ATRNL1: variants seen among roughly 807,000 people sequenced by gnomAD.
ATRNL1 encodes the protein attractin-like protein 1.
A neutral mutation model predicts 182.7 loss-of-function variants in ATRNL1; 95 were observed. That is an observed-to-expected ratio of 0.52 (90% CI 0.44 to 0.62). The LOEUF (loss-of-function observed/expected upper bound fraction) is 0.62. Among genes scored for constraint, ATRNL1 ranks in the 20% least tolerant of loss-of-function variants. The pLI, the probability that ATRNL1 is intolerant of heterozygous loss-of-function variation, is 0.00. For missense variants in ATRNL1, 1,471 were observed against 1,679.5 expected, an observed-to-expected ratio of 0.88 and a Z score of 2.17; for synonymous variants, 576 against 568.3, an observed-to-expected ratio of 1.01 and a Z score of -0.19.
intron 9 of ATRNL1, among the ~76,000 whole-genome samples, chr10:115,231,489 G>C (rs1387159089): frequency 6.6e-6 from 1 of 152,070 alleles, no homozygotes; most frequent in East Asian, 1.9e-4. Context: ...GAAAGAAACA[G>C]GGTAACAAGT....
At chr10:115,522,204 G>A (rs1391942282) in intron 25 of ATRNL1, among the ~76,000 whole-genome samples, 7 of 152,272 alleles carry the variant, frequency 4.6e-5, no homozygotes, top group African/African-American at 1.7e-4. Flanking sequence ...ACCTAAGGCT[G>A]GGTAATTTAT....
intron 18 of ATRNL1, among the ~76,000 whole-genome samples, chr10:115,327,957 G>A (rs1355072338): frequency 6.6e-6 from 1 of 151,920 alleles, no homozygotes; most frequent in African/African-American, 2.4e-5. Flanking sequence ...AAGTGGGGAG[G>A]GATAGCATTG....
intron 26 of ATRNL1, among the ~76,000 whole-genome samples, chr10:115,717,243 TTCTTG>T (rs1947280376): frequency 6.6e-6 from 1 of 152,178 alleles, no homozygotes; most frequent in South Asian, 2.1e-4. Flanking sequence ...TAAAGCCTAT[TTCTTG>T]TGCCATTTTG....
intron 19 of ATRNL1, among the ~76,000 whole-genome samples, chr10:115,377,128 T>G (rs1353596587): frequency 2.0e-5 from 3 of 152,188 alleles, no homozygotes; most frequent in African/African-American, 7.2e-5. Context: ...TAATTTTATT[T>G]AATTGTTGGT....
chr10:115,545,234 C>CAAAAA (rs71010026), intron 25 of ATRNL1, among the ~76,000 whole-genome samples: 107 of 94,768 alleles, frequency 1.1e-3, no homozygotes, highest in East Asian at 1.7e-3. Flanking sequence ...GACTCCGTAT[C>CAAAAA]AAAAAAAAAA....
At chr10:115,402,932 A>G (rs1242356826) in intron 20 of ATRNL1, among the ~76,000 whole-genome samples, 1 of 152,168 alleles carries the variant, frequency 6.6e-6, no homozygotes, top group Non-Finnish European at 1.5e-5. Context: ...TACTAATAGT[A>G]AATTGTGAAA....
chr10:115,756,161 A>G (rs1480084552), intron 27 of ATRNL1, among the ~76,000 whole-genome samples: 1 of 151,474 alleles, frequency 6.6e-6, no homozygotes, highest in Non-Finnish European at 1.5e-5. Flanking sequence ...TCCTGTCTCT[A>G]TCTCCTTCAG....
At chr10:115,620,046 G>GATTTT (rs1555022157) in intron 26 of ATRNL1, among the ~76,000 whole-genome samples, 34 of 152,286 alleles carry the variant, frequency 2.2e-4, no homozygotes, top group Non-Finnish European at 3.7e-4. Flanking sequence ...CCTAAGGCTG[G>GATTTT]ATAACTTATA....
chr10:115,272,706 AC>A (rs1554913570), intron 13 of ATRNL1, among the ~76,000 whole-genome samples: 1 of 152,086 alleles, frequency 6.6e-6, no homozygotes, highest in African/African-American at 2.4e-5. Context: ...TTTCTGGAGA[AC>A]CCTTCTGTCA....
chr10:115,466,740 T>A (rs1231489663), intron 22 of ATRNL1, among the ~76,000 whole-genome samples: 1 of 151,152 alleles, frequency 6.6e-6, no homozygotes, highest in East Asian at 1.9e-4. Context: ...ATAATAAAAA[T>A]GTACACCTAA....
At chr10:115,350,334 C>CATAAAA (rs1856176830) in intron 19 of ATRNL1, among the ~76,000 whole-genome samples, 1 of 29,734 alleles carries the variant, frequency 3.4e-5, no homozygotes, top group Non-Finnish European at 5.2e-5. Flanking sequence ...GACTCTGTCT[C>CATAAAA]AAAAAAAAAA....
At chr10:115,725,519 C>T (rs10787595) in intron 26 of ATRNL1, among the ~76,000 whole-genome samples, 56,254 of 151,830 alleles carry the variant, frequency 0.37, 11,256 homozygotes, top group East Asian at 0.59. Context: ...TATGAGATGC[C>T]GTTTATATGC....
At chr10:115,790,413 C>T (rs1483212951) in intron 27 of ATRNL1, among the ~76,000 whole-genome samples, 4 of 152,128 alleles carry the variant, frequency 2.6e-5, no homozygotes, top group Admixed American at 1.3e-4. Flanking sequence ...AAAAGGCTCA[C>T]GTACTAAATC....
chr10:115,707,368 C>G (rs1321070417), intron 26 of ATRNL1, among the ~76,000 whole-genome samples: 1 of 151,188 alleles, frequency 6.6e-6, no homozygotes, highest in Non-Finnish European at 1.5e-5. Context: ...TTTGTATTTC[C>G]CAGGCATAAA....
intron 6 of ATRNL1, 41 bp downstream of exon 6, chr10:115,160,255 G>C: frequency 1.3e-6 from 2 of 1,519,528 alleles, no homozygotes; most frequent in South Asian, 2.5e-5. Context: ...TTTTAAGCTG[G>C]ATTTTTATCC....
chr10:115,792,835 T>C (rs1213733200), intron 27 of ATRNL1, among the ~76,000 whole-genome samples: 1 of 151,980 alleles, frequency 6.6e-6, no homozygotes, highest in Admixed American at 6.6e-5. Flanking sequence ...GGCAAAAATA[T>C]ACACAGAACT....
intron 28 of ATRNL1, among the ~76,000 whole-genome samples, chr10:115,916,607 T>C (rs879980914): frequency 2.0e-5 from 3 of 152,242 alleles, no homozygotes; most frequent in Admixed American, 6.5e-5. Flanking sequence ...CATCCTATTT[T>C]TGTACTCATT....
intron 22 of ATRNL1, among the ~76,000 whole-genome samples, chr10:115,464,765 C>A (rs1445286569): frequency 6.6e-6 from 1 of 151,720 alleles, no homozygotes; most frequent in Non-Finnish European, 1.5e-5. Context: ...AAGATTTAAG[C>A]CTCCTTAAGG....
chr10:115,119,439 G>A (rs1844632528), intron 1 of ATRNL1, among the ~76,000 whole-genome samples: 1 of 151,818 alleles, frequency 6.6e-6, no homozygotes, highest in African/African-American at 2.4e-5. Flanking sequence ...ATGTTAAATG[G>A]GAAGACATTT....
Sources: allele counts gnomAD v4.1 joint callset (sites outside exome capture counted in the v4.1 genomes callset), GRCh38; gene constraint gnomAD v4.1.1; transcripts MANE v1.5; gene names NCBI Gene and HGNC (gene_info 2026-07-23, HGNC 2026-07-21).